The following CNTNAP2 variants were observed in gnomAD, a reference collection of about 807,000 sequenced individuals.
CNTNAP2 encodes contactin-associated protein-like 2.
A neutral mutation model predicts 155.2 loss-of-function variants in CNTNAP2; 98 were observed. The observed-to-expected ratio is 0.63, with a 90% CI of 0.54 to 0.75. CNTNAP2 has a LOEUF of 0.75. CNTNAP2 is among the 30% of genes least tolerant of loss of function. CNTNAP2 has a pLI of 0.00. For missense variants in CNTNAP2, 1,727 were observed against 1,688.1 expected (o/e 1.02, Z -0.40); for synonymous variants, 651 against 631.2 (o/e 1.03, Z -0.47).
chr7:147,726,353 C>A (rs1796642616), intron 13 of CNTNAP2, among the ~76,000 whole-genome samples: 1 of 151,898 alleles, frequency 6.6e-6, no homozygotes, highest in Non-Finnish European at 1.5e-5. Context: ...TAACTGAACC[C>A]AGGACTGGCC....
At chr7:148,053,152 A>C (rs1802927408) in intron 15 of CNTNAP2, among the ~76,000 whole-genome samples, 1 of 152,194 alleles carries the variant, frequency 6.6e-6, no homozygotes, top group African/African-American at 2.4e-5. Flanking sequence ...ACACTGATAG[A>C]ATATTATCCC....
rs139471938 is a variant in CNTNAP2, at chr7:147,713,046, A to G, written c.2098+73740A>G. On this transcript the variant is annotated intron_variant, in intron 13 of 23. Transcript: ENST00000361727. ...CCCTAAACCTCATAATTCCGCAACC[A>G]ATTACATGCTAGTACACGTGATTCT... 4.1e-3 allele frequency among the ~76,000 whole-genome samples: 630 copies of G among 152,216 alleles called. 1 individual carries two copies. The highest frequency in any genetic ancestry group is 0.014 in the African/African-American group (581 of 41,536).
chr7:147,083,403 T>A (rs998284271), intron 4 of CNTNAP2, among the ~76,000 whole-genome samples: 2 of 151,804 alleles, frequency 1.3e-5, no homozygotes, highest in African/African-American at 4.8e-5. Context: ...AAGTAGGCAA[T>A]AATGTCGCTC....
chr7:147,201,571 G>T (rs898691047), intron 8 of CNTNAP2, among the ~76,000 whole-genome samples: 9 of 152,090 alleles, frequency 5.9e-5, no homozygotes, highest in African/African-American at 1.7e-4. Flanking sequence ...TTAGAAAAAA[G>T]CTTCCCTAAT....
intron 1 of CNTNAP2, among the ~76,000 whole-genome samples, chr7:146,465,283 T>C (rs1029951867): frequency 1.8e-4 from 27 of 152,164 alleles, no homozygotes; most frequent in African/African-American, 6.3e-4. Flanking sequence ...TGAAGTTTGT[T>C]TTTTTAAAGG....
intron 10 of CNTNAP2, among the ~76,000 whole-genome samples, chr7:147,424,866 G>A (rs1185959271): frequency 2.0e-5 from 3 of 151,898 alleles, no homozygotes; most frequent in Non-Finnish European, 4.4e-5. Context: ...TCTTCCTTTT[G>A]ACCTTCACAT....
intron 9 of CNTNAP2, among the ~76,000 whole-genome samples, chr7:147,368,864 A>G (rs1405725877): frequency 6.6e-6 from 1 of 152,238 alleles, no homozygotes; most frequent in Non-Finnish European, 1.5e-5. Flanking sequence ...GATACCTACT[A>G]TGTATAAGAT....
chr7:147,567,759 G>A (rs142846055), intron 12 of CNTNAP2, among the ~76,000 whole-genome samples: 58 of 152,212 alleles, frequency 3.8e-4, no homozygotes, highest in Middle Eastern at 3.4e-3. Flanking sequence ...CAGATGCTAC[G>A]CAAAGTCACT....
chr7:147,392,781 G>C (rs991399011), intron 9 of CNTNAP2, among the ~76,000 whole-genome samples: 4 of 151,928 alleles, frequency 2.6e-5, no homozygotes, highest in Admixed American at 6.6e-5. Flanking sequence ...CAAAAATGTG[G>C]AACCAGCTCA....
chr7:146,721,837 T>C (rs1392961563), intron 1 of CNTNAP2, among the ~76,000 whole-genome samples: 1 of 104,956 alleles, frequency 9.5e-6, no homozygotes, highest in African/African-American at 6.7e-5. Flanking sequence ...ATATATAGTC[T>C]ATATATATAT....
At chr7:148,076,491 A>G (rs1449886375) in intron 15 of CNTNAP2, among the ~76,000 whole-genome samples, 1 of 119,882 alleles carries the variant, frequency 8.3e-6, no homozygotes, top group Non-Finnish European at 1.6e-5. Flanking sequence ...GCTGGAGTGC[A>G]GTGGCCCGAT....
intron 1 of CNTNAP2, among the ~76,000 whole-genome samples, chr7:146,410,388 T>C (rs1439816345): frequency 6.6e-6 from 1 of 152,172 alleles, no homozygotes; most frequent in Non-Finnish European, 1.5e-5. Flanking sequence ...TTACAGAAAA[T>C]ATTTGCTGAC....
chr7:146,346,606 C>T (rs773356936), intron 1 of CNTNAP2, among the ~76,000 whole-genome samples: 6 of 151,990 alleles, frequency 3.9e-5, no homozygotes, highest in Non-Finnish European at 5.9e-5. Context: ...TGCTTGAGCC[C>T]GGGAGGCAAA....
intron 3 of CNTNAP2, among the ~76,000 whole-genome samples, chr7:146,882,020 T>G (rs914128552): frequency 1.2e-4 from 19 of 152,052 alleles, no homozygotes; most frequent in African/African-American, 4.6e-4. Context: ...TGTGTCCATT[T>G]GTACCCAATG....
chr7:147,050,566 T>C (rs1799453364), intron 4 of CNTNAP2, among the ~76,000 whole-genome samples: 1 of 152,174 alleles, frequency 6.6e-6, no homozygotes, highest in Non-Finnish European at 1.5e-5. Context: ...TACAAATAAG[T>C]AAAAGACAGT....
At chr7:147,690,110 A>G (rs750453867) in intron 13 of CNTNAP2, among the ~76,000 whole-genome samples, 2 of 151,998 alleles carry the variant, frequency 1.3e-5, no homozygotes, top group African/African-American at 2.4e-5. Flanking sequence ...TCCTTTTCCA[A>G]TGATTTACAG....
intron 11 of CNTNAP2, among the ~76,000 whole-genome samples, chr7:147,505,603 A>T (rs1391753084): frequency 6.6e-6 from 1 of 152,204 alleles, no homozygotes; most frequent in African/African-American, 2.4e-5. Flanking sequence ...GAGCGAGGAG[A>T]TTAATTTAAA....
At chr7:147,910,999 C>T (rs967463502) in intron 14 of CNTNAP2, among the ~76,000 whole-genome samples, 2 of 152,230 alleles carry the variant, frequency 1.3e-5, no homozygotes, top group South Asian at 4.1e-4. Context: ...TTTACTTTTA[C>T]AATTCAATGG....
At chr7:148,224,703 G>T (rs1266833285) in intron 19 of CNTNAP2, among the ~76,000 whole-genome samples, 1 of 152,216 alleles carries the variant, frequency 6.6e-6, no homozygotes, top group East Asian at 1.9e-4. Context: ...AGAAATACCT[G>T]AGACTGGGCA....
Sources: gnomAD v4.1 joint callset for allele counts (sites outside exome capture counted in the v4.1 genomes callset) on GRCh38, gnomAD v4.1.1 for gene constraint, MANE v1.5 for transcripts, NCBI Gene and HGNC (gene_info 2026-07-23, HGNC 2026-07-21) for gene names.